Variants in OPRM1 observed in about 807,000 individuals in gnomAD.
OPRM1 encodes the protein opioid receptor mu 1.
A neutral mutation model predicts 31.8 loss-of-function variants in OPRM1; 27 were observed. That is an observed-to-expected ratio of 0.85 (90% CI 0.63 to 1.17). The LOEUF (loss-of-function observed/expected upper bound fraction) is 1.17, where lower values mean the gene tolerates loss of function less well. Among genes scored for constraint, OPRM1 ranks in the 50% most tolerant of loss-of-function variants. The pLI, the probability that OPRM1 is intolerant of heterozygous loss-of-function variation, is 0.00. For missense variants in OPRM1, 536 were observed against 511.1 expected, an observed-to-expected ratio of 1.05 and a Z score of -0.47; for synonymous variants, 196 against 189.9, an observed-to-expected ratio of 1.03 and a Z score of -0.26.
chr6:154,112,948 A>G (rs1349504675), intron 3 of OPRM1, among the ~76,000 whole-genome samples: 1 of 152,232 alleles, frequency 6.6e-6, no homozygotes, highest in East Asian at 1.9e-4. Flanking sequence ...ACCCAATTAA[A>G]TAAGTCACAG....
At chr6:154,188,811 A>T (rs1801608340) in intron 3 of OPRM1, among the ~76,000 whole-genome samples, 1 of 152,206 alleles carries the variant, frequency 6.6e-6, no homozygotes, top group African/African-American at 2.4e-5. Context: ...ATATTTGCAT[A>T]TGGAGTAAGA....
At chr6:154,165,340 T>A (rs920653034) in intron 3 of OPRM1, among the ~76,000 whole-genome samples, 2 of 152,188 alleles carry the variant, frequency 1.3e-5, no homozygotes, top group Non-Finnish European at 2.9e-5. Flanking sequence ...CTTGACTGCT[T>A]TGAATTTTAA....
At chr6:154,028,110 T>C (rs1231930723) in intron 1 of OPRM1, among the ~76,000 whole-genome samples, 1 of 152,190 alleles carries the variant, frequency 6.6e-6, no homozygotes, top group East Asian at 1.9e-4. Flanking sequence ...AGCCATCAAG[T>C]TTCCAGTCTT....
chr6:154,054,600 C>T (rs1282347669), intron 1 of OPRM1, among the ~76,000 whole-genome samples: 1 of 152,140 alleles, frequency 6.6e-6, no homozygotes, highest in Non-Finnish European at 1.5e-5. Context: ...CTTCCCTGAA[C>T]TTTAAGGGGT....
chr6:154,155,273 T>C (rs1798666929), intron 3 of OPRM1: 1 of 152,206 alleles, frequency 6.6e-6, no homozygotes, highest in African/African-American at 2.4e-5. Context: ...ACTTTTATTT[T>C]CAATTATGTA....
rs199948218 is a variant in OPRM1, at chr6:154,140,336, T to C, written c.1164+48864T>C. ...TTTAGCCGTTTATGTTATTTTATTT[T>C]TTTTTTTTTTTTGAGAAAGAGTCTC... On this transcript the variant is annotated intron_variant, in intron 3 of 3. Coordinates refer to the OPRM1 transcript ENST00000337049. Among the ~76,000 whole-genome samples the C allele has an allele frequency of 3.0e-3, 436 of 145,632 alleles. 2 individuals carry two copies. Among genetic ancestry groups the C allele is most frequent in the African/African-American group, 0.011 (413 of 36,318 alleles).
In OPRM1 at chr6:154,044,024, A is replaced by T. The variant is rs576362905; in HGVS notation, c.290+4190A>T. 1.1e-4 allele frequency among the ~76,000 whole-genome samples: 16 copies of T among 152,260 alleles called. No individual in the cohort carries two copies. In the East Asian group the frequency reaches 3.1e-3, roughly 29 times the overall value. On this transcript the variant is annotated intron_variant, in intron 1 of 3. Transcript: ENST00000330432. ...CTCTCTCTCTTTTCTTTCTTGAAAG[A>T]ATGACCTATCTGATATTTTATGAAA...
chr6:154,117,898 A>T lies in OPRM1; in HGVS notation c.1165-785A>T, dbSNP rs9397176. Among the ~76,000 whole-genome samples, 10 of 86,738 alleles carry T rather than the reference A, an allele frequency of 1.2e-4. No individual in the cohort carries two copies. In the East Asian group the frequency reaches 3.8e-3, roughly 33 times the overall value. 56.9% of individuals were successfully genotyped at this position (86,738 alleles called of 152,430 possible). A position where few individuals can be genotyped will look rare whatever the true frequency, so the allele number is the denominator to read the frequency against. On this transcript the variant is annotated intron_variant, in intron 3 of 3. Transcript: ENST00000330432. ...GTGTGTGTGTGTGTGTATGAGAGAG[A>T]AAAAAAGAGAGAAAAAGCAGATGGC... is the stretch of plus-strand genomic sequence containing the variant.
chr6:154,077,295 G>T (rs1788062793), intron 1 of OPRM1, among the ~76,000 whole-genome samples: 1 of 151,676 alleles, frequency 6.6e-6, no homozygotes, highest in Admixed American at 6.6e-5. Flanking sequence ...GTTTTGTTTT[G>T]TTTTTAGAGA....
intron 1 of OPRM1, among the ~76,000 whole-genome samples, chr6:154,076,589 C>G (rs1303173310): frequency 6.6e-6 from 1 of 152,118 alleles, no homozygotes; most frequent in Non-Finnish European, 1.5e-5. Context: ...AACTGGTCAT[C>G]AAGAACTCCA....
rs1254776164 is a variant in OPRM1, at chr6:154,127,726, G to A, written c.*9005G>A. Among the ~76,000 whole-genome samples, 2 of 152,218 alleles carry A rather than the reference G, an allele frequency of 1.3e-5. No individual in the cohort carries two copies. The highest frequency in any genetic ancestry group is 2.9e-5 in the Non-Finnish European group (2 of 68,054). On this transcript the variant is annotated 3_prime_UTR_variant, in exon 4 of 4. Transcript: ENST00000330432. ...TCCTGACTAGCACAAGAAATCCATA[G>A]GTTGATTCTTGTTCTCCTGCATCTC...
downstream of OPRM1, among the ~76,000 whole-genome samples, chr6:154,137,045 A>T (rs2128536624): frequency 6.6e-6 from 1 of 152,322 alleles, no homozygotes; most frequent in African/African-American, 2.4e-5. Flanking sequence ...TCTTCACGAC[A>T]ACCTTAGACA....
chr6:154,212,898 C>G, intron 3 of OPRM1: 1 of 1,321,104 alleles, frequency 7.6e-7, no homozygotes, highest in Non-Finnish European at 1.1e-6. Context: ...ACGCTGTCAT[C>G]GCTTATTCCA....
intron 3 of OPRM1, among the ~76,000 whole-genome samples, chr6:154,228,028 A>C (rs1203296474): frequency 3.3e-5 from 5 of 152,088 alleles, no homozygotes; most frequent in Non-Finnish European, 7.4e-5. Context: ...CAGAGGGCAA[A>C]TCTTGAGAGA....
intron 3 of OPRM1, among the ~76,000 whole-genome samples, chr6:154,201,247 A>G (rs532279647): frequency 6.6e-6 from 1 of 152,202 alleles, no homozygotes; most frequent in Non-Finnish European, 1.5e-5. Context: ...AATATAACCA[A>G]CAATTCTTGG....
intron 3 of OPRM1, among the ~76,000 whole-genome samples, chr6:154,184,209 G>T (rs1199767595): frequency 6.6e-6 from 1 of 151,816 alleles, no homozygotes; most frequent in Admixed American, 6.6e-5. Flanking sequence ...AAAAAAAATA[G>T]CTGTATCAGC....
At chr6:154,236,881 G>T (rs572841272) in intron 3 of OPRM1, among the ~76,000 whole-genome samples, 44 of 152,142 alleles carry the variant, frequency 2.9e-4, no homozygotes, top group Non-Finnish European at 6.3e-4. Context: ...TGAGCCCAGG[G>T]TTATCTTCCC....
intron 3 of OPRM1, among the ~76,000 whole-genome samples, chr6:154,105,707 T>C (rs1024200996): frequency 6.6e-6 from 1 of 152,210 alleles, no homozygotes; most frequent in Non-Finnish European, 1.5e-5. Flanking sequence ...ATTAGAATTA[T>C]AGGAGTTTCC....
chr6:154,102,003 C>G (rs1794899948), intron 3 of OPRM1, among the ~76,000 whole-genome samples: 1 of 152,046 alleles, frequency 6.6e-6, no homozygotes, highest in South Asian at 2.1e-4. Flanking sequence ...GCCGTGGCAC[C>G]AGCTCAGCTC....
Sources: allele counts gnomAD v4.1 joint callset (sites outside exome capture counted in the v4.1 genomes callset), GRCh38; gene constraint gnomAD v4.1.1; transcripts MANE v1.5; gene names NCBI Gene and HGNC (gene_info 2026-07-23, HGNC 2026-07-21).